Variants in FAH observed in about 807,000 individuals in gnomAD.
The protein encoded by FAH is fumarylacetoacetate hydrolase.
A neutral mutation model predicts 55.8 loss-of-function variants in FAH; 47 were observed. The observed-to-expected ratio is 0.84, with a 90% CI of 0.67 to 1.07. FAH has a LOEUF of 1.07. Ranked by LOEUF, FAH falls within the 50% of genes least tolerant of loss-of-function variation. The probability of loss-of-function intolerance (pLI) is 0.00; values close to 1 mark genes in which losing one functional copy is unlikely to be tolerated. For synonymous variants in FAH, 199 were observed against 207.7 expected, an observed-to-expected ratio of 0.96 and a Z score of 0.36; for missense variants, 495 against 545.9, an observed-to-expected ratio of 0.91 and a Z score of 0.93.
chr15:80,180,678 G>A (rs2041323675), intron 12 of FAH, among the ~76,000 whole-genome samples: 1 of 152,104 alleles, frequency 6.6e-6, no homozygotes, highest in Non-Finnish European at 1.5e-5. Flanking sequence ...GGCTGGCCGA[G>A]CCCTCTTGTT....
chr15:80,172,249 G>A lies in FAH; in HGVS notation c.706+1G>A. The A allele has an allele frequency of 6.2e-7, 1 of 1,601,648 alleles. No homozygotes were observed. The highest frequency in any genetic ancestry group is 1.1e-5 in the South Asian group (1 of 90,834). On this transcript the variant is annotated splice_donor_variant, in intron 8 of 13. Transcript: ENST00000561421. LOFTEE classifies it high-confidence loss of function. ...ATGGTCCTTATGAACGACTGGAGTGGTAATTACTGGAGCTCTGCTCCTGTA... is the reference window on the plus strand; with the variant it reads ...ATGGTCCTTATGAACGACTGGAGTGATAATTACTGGAGCTCTGCTCCTGTA...
intron 12 of FAH, 81 bp downstream of exon 12, chr15:80,180,306 C>T: frequency 8.7e-7 from 1 of 1,155,984 alleles, no homozygotes; most frequent in Non-Finnish European, 1.3e-6. Flanking sequence ...TCAGCTCAGC[C>T]TCGAGAAGAG....
intron 9 of FAH, 91 bp from the exon 10 acceptor site, chr15:80,174,925 G>T: frequency 9.9e-7 from 1 of 1,005,040 alleles, no homozygotes. Flanking sequence ...AGGGGAGCAG[G>T]TGCTGCTGGG....
chr15:80,185,487 G>A (rs2041362771), intron 13 of FAH, among the ~76,000 whole-genome samples: 1 of 152,210 alleles, frequency 6.6e-6, no homozygotes, highest in African/African-American at 2.4e-5. Context: ...AAACCCATGT[G>A]GGGAGAGTTG....
At chr15:80,169,833 A>G (rs1165200614) in intron 7 of FAH, among the ~76,000 whole-genome samples, 1 of 152,194 alleles carries the variant, frequency 6.6e-6, no homozygotes, top group Non-Finnish European at 1.5e-5. Context: ...GCGCTCGGCC[A>G]GGGCTGCACA....
intron 10 of FAH, among the ~76,000 whole-genome samples, chr15:80,177,233 G>A (rs750703458): frequency 6.6e-5 from 10 of 152,096 alleles, no homozygotes; most frequent in Admixed American, 1.3e-4. Context: ...GTGGATTTGC[G>A]GGTGCCAGGA....
chr15:80,162,330 C>T lies in FAH; in HGVS notation c.449C>T (p.Pro150Leu). 1 of 1,612,994 alleles carries T rather than the reference C, an allele frequency of 6.2e-7. No individual in the cohort carries two copies. The highest frequency in any genetic ancestry group is 8.5e-7 in the Non-Finnish European group (1 of 1,178,948). ...MFRDKENALM[P>L]NWLHLPVGYH... ...AGGGACAAGGAGAATGCGTTGATGC[C>T]AAATTGGTATGAACTGGGCCAAATG... is the stretch of plus-strand genomic sequence containing the variant. Residue 150 changes from proline to leucine, a missense_variant, in exon 5 of 14, where the codon CCA becomes CTA. By Grantham distance (98) the Pro-to-Leu change is moderately conservative. Transcript: ENST00000561421.
intron 7 of FAH, among the ~76,000 whole-genome samples, chr15:80,169,098 C>G (rs1401019599): frequency 6.6e-6 from 1 of 152,132 alleles, no homozygotes; most frequent in Non-Finnish European, 1.5e-5. Flanking sequence ...AAAATAATTA[C>G]CTGGCCGGGT....
chr15:80,160,866 C>T (rs2041142865), intron 4 of FAH, among the ~76,000 whole-genome samples: 1 of 152,330 alleles, frequency 6.6e-6, no homozygotes, highest in East Asian at 1.9e-4. Context: ...GAGTGTCATT[C>T]AGGAAGTTGG....
intron 12 of FAH, 127 bp downstream of exon 12, chr15:80,180,352 G>A: frequency 2.8e-6 from 2 of 726,850 alleles, no homozygotes; most frequent in Non-Finnish European, 4.8e-6. Context: ...TCACAACTCT[G>A]TCTTCCTCGT....
chr15:80,158,536 G>A (rs925238331), intron 2 of FAH, among the ~76,000 whole-genome samples: 1 of 152,236 alleles, frequency 6.6e-6, no homozygotes, highest in Non-Finnish European at 1.5e-5. Flanking sequence ...AAGGGAGGGA[G>A]CTACGAGCCC....
chr15:80,174,974 C>A (rs1488961889), intron 9 of FAH, 42 bp from the exon 10 acceptor site: 10 of 1,592,872 alleles, frequency 6.3e-6, no homozygotes, highest in Admixed American at 1.7e-5. Context: ...GTGAGCTCAG[C>A]CCACCTGCCA....
At chr15:80,177,616 G>A (rs758975576) in intron 11 of FAH, 33 bp downstream of exon 11, 1 of 1,592,174 alleles carries the variant, frequency 6.3e-7, no homozygotes, top group Non-Finnish European at 8.6e-7. Flanking sequence ...CTGCTTTTTA[G>A]AATTGAGGGA....
chr15:80,175,411 A>T (rs542593628), intron 10 of FAH, among the ~76,000 whole-genome samples: 15 of 152,028 alleles, frequency 9.9e-5, no homozygotes, highest in East Asian at 9.7e-4. Context: ...TCCTGCTCAC[A>T]TATCGCCACT....
chr15:80,186,760 G>T, downstream of FAH: 1 of 199,002 alleles, frequency 5.0e-6, no homozygotes, highest in Admixed American at 5.3e-5. Context: ...GTGAGTCATT[G>T]TTTGGTGAAG....
In FAH at chr15:80,170,662, A is replaced by G. The variant is rs150615671; in HGVS notation, c.607-1487A>G. Among the ~76,000 whole-genome samples, 207 of 152,350 alleles carry G rather than the reference A, an allele frequency of 1.4e-3. 1 individual carries two copies. Among genetic ancestry groups the G allele is most frequent in the African/African-American group, 4.7e-3 (197 of 41,578 alleles). ...AGAACTAAGGACTCTGCAGGCAGAC[A>G]CTTCACCTGTTGAGAGGGAGAGAGA... On this transcript the variant is annotated intron_variant, in intron 7 of 13. Coordinates refer to ENST00000561421, the MANE Select transcript of FAH (RefSeq NM_000137.4).
At chr15:80,155,554 T>C (rs1429150287) in intron 1 of FAH, among the ~76,000 whole-genome samples, 2 of 151,748 alleles carry the variant, frequency 1.3e-5, no homozygotes, top group African/African-American at 4.8e-5. Flanking sequence ...GCTTAGCGGG[T>C]TTTCTCCCTG....
intron 5 of FAH, chr15:80,162,612 T>C: frequency 2.0e-6 from 1 of 502,390 alleles, no homozygotes; most frequent in South Asian, 2.1e-5. Context: ...CCTTCTGGAG[T>C]CTTTCATTTA....
intron 11 of FAH, among the ~76,000 whole-genome samples, chr15:80,178,951 T>C (rs2041307322): frequency 6.6e-6 from 1 of 152,220 alleles, no homozygotes. Context: ...GTTTCCGTTG[T>C]TTTTGGCTAT....
Sources: allele counts gnomAD v4.1 joint callset (sites outside exome capture counted in the v4.1 genomes callset), GRCh38; gene constraint gnomAD v4.1.1; transcripts MANE v1.5; gene names NCBI Gene and HGNC (gene_info 2026-07-23, HGNC 2026-07-21).